The following KEL variants were observed in gnomAD, a reference collection of about 807,000 sequenced individuals.
The protein encoded by KEL is Kell metallo-endopeptidase (Kell blood group).
In KEL, 96 loss-of-function variants were observed where a neutral mutation model predicts 99.5. That is an observed-to-expected ratio of 0.97 (90% CI 0.82 to 1.14). The LOEUF is 1.14. Ranked by LOEUF, KEL falls within the 50% of genes most tolerant of loss-of-function variation. The pLI is 0.00. For missense variants in KEL, 926 were observed against 924.2 expected (o/e 1.00, Z -0.03); for synonymous variants, 355 against 354.8 (o/e 1.00, Z -0.01).
rs1335348963 is a variant in KEL at position 142,956,176 on chromosome 7, C to T, written c.673-1649G>A. Among the ~76,000 whole-genome samples, 3 of 152,142 alleles carry T rather than the reference C, an allele frequency of 2.0e-5. No homozygotes were observed. In the East Asian group the frequency reaches 5.8e-4, roughly 29 times the overall value. ...CAAAACAATGGGATCACTGTGTAAT[C>T]CCCCACTTTCTTTCTTTATATCCAA... On this transcript the variant is annotated intron_variant, in intron 6 of 18. Transcript: ENST00000355265.
chr7:142,953,440 C>T lies in KEL; in HGVS notation c.1073+368G>A, dbSNP rs1204203191. 24 of 959,510 alleles carry T rather than the reference C, an allele frequency of 2.5e-5. No homozygotes were observed. The South Asian group carries it at 8.6e-4, about 34-fold the overall frequency. 59.4% of individuals were successfully genotyped at this position (959,510 alleles called of 1,614,324 possible). On this transcript the variant is annotated intron_variant, in intron 9 of 18. Transcript: ENST00000355265. ...TCCTCCTGCCCACAGTCCTCAGCTG[C>T]TAAAAAGACATACATACACTTAACT...
rs144972578 is a variant in KEL, at chr7:142,954,383, G to A, written c.736-11C>T. On this transcript the variant is annotated splice_polypyrimidine_tract_variant and intron_variant, in intron 7 of 18. Transcript: ENST00000355265. ...GTATTCCCGAAAGATCTGGAGGAAG[G>A]AAATGTCAGTCACAGGTGCCAGAGG... is the stretch of plus-strand genomic sequence containing the variant. 3.1e-6 allele frequency: 5 copies of A among 1,613,990 alleles called. No individual in the cohort carries two copies. The highest frequency in any genetic ancestry group is 1.3e-5 in the African/African-American group (1 of 74,916).
intron 9 of KEL, chr7:142,953,494 T>C: frequency 1.5e-6 from 1 of 674,364 alleles, no homozygotes; most frequent in Non-Finnish European, 1.8e-6. Context: ...TTCCAGCATC[T>C]TCTACAGCTC....
intron 6 of KEL, among the ~76,000 whole-genome samples, chr7:142,955,637 C>A (rs1026179428): frequency 6.6e-6 from 1 of 152,104 alleles, no homozygotes. Context: ...CCCTGATGAA[C>A]CCTTGTTTCT....
In KEL at chr7:142,944,750, G is replaced by A. The variant is rs1311453967; in HGVS notation, c.1315-9C>T. 7 of 1,606,740 alleles carry A rather than the reference G, an allele frequency of 4.4e-6. No individual in the cohort carries two copies. The highest frequency in any genetic ancestry group is 6.0e-6 in the Non-Finnish European group (7 of 1,173,376). On this transcript the variant is annotated splice_polypyrimidine_tract_variant and intron_variant, in intron 11 of 18. Coordinates refer to ENST00000355265, the MANE Select transcript of KEL (RefSeq NM_000420.3). ...GTGAATAATTTCATGGCCTGTGGGA[G>A]TGAGGTCCAGGGACAGGGGGACAGG...
chr7:142,958,329 C>A lies in KEL; in HGVS notation c.500G>T (p.Gly167Val), dbSNP rs1213285280. 6.2e-7 allele frequency: 1 copy of A among 1,614,092 alleles called. No individual in the cohort carries two copies. Among genetic ancestry groups the A allele is most frequent in the African/African-American group, 1.3e-5 (1 of 75,020 alleles). ...CTCCTCAATAACTTGTCTGAGGGGA[C>A]CAGTCCCTGCAGCTTCAATGGCAAG... ...DTLAIEAAGT[G>V]PLRQVIEELG... Residue 167 changes from glycine to valine, a missense_variant, in exon 5 of 19, where the codon GGT (glycine) becomes GTT (valine). Transcript: ENST00000355265.
chr7:142,954,560 A>G (rs777371166), intron 6 of KEL, 33 bp from the exon 7 acceptor site: 119 of 1,605,924 alleles, frequency 7.4e-5, no homozygotes, highest in Non-Finnish European at 9.8e-5. Context: ...AGAAGCAGGG[A>G]GCATGGCGGA....
intron 9 of KEL, chr7:142,953,200 G>A (rs917687197): frequency 4.2e-6 from 1 of 238,432 alleles, no homozygotes; most frequent in Non-Finnish European, 6.8e-6. Flanking sequence ...AGGTATCAGG[G>A]GAGGCAGAGA....
Position 142,962,287 on chromosome 7 carries a change from C to T in KEL, c.-81G>A, listed in dbSNP as rs530527828. Reference sequence around the variant, plus strand: ...CGGAGGACTGGGGTCCAGGAAACACCCCCCGCCCCAGTTCCTTGATCCTGG... The same window carrying T: ...CGGAGGACTGGGGTCCAGGAAACACTCCCCGCCCCAGTTCCTTGATCCTGG... On this transcript the variant is annotated 5_prime_UTR_variant, in exon 1 of 19. Transcript: ENST00000355265. 4.6e-6 allele frequency: 7 copies of T among 1,514,982 alleles called. No individual in the cohort carries two copies. The East Asian group carries it at 1.1e-4, about 24-fold the overall frequency. 93.8% of individuals were successfully genotyped at this position (1,514,982 alleles called of 1,614,324 possible).
rs150678405 is a variant in KEL at position 142,943,589 on chromosome 7, C to A, written c.1600G>T (p.Val534Leu). ...LQPHPQHRWK[V>L]SPWDVNAYYS... ...TAAGCATTGACGTCCCAAGGGGACA[C>A]CTTCCACCTGTGGGAAGAGGACATG... The change falls in exon 15 of 19, where the codon GTG becomes TTG. Residue 534 changes from valine to leucine, a missense_variant. Coordinates refer to ENST00000355265, the MANE Select transcript of KEL (RefSeq NM_000420.3). 1 of 1,612,450 alleles carries A rather than the reference C, an allele frequency of 6.2e-7. No homozygotes were observed. Among genetic ancestry groups the A allele is most frequent in the African/African-American group, 1.3e-5 (1 of 74,884 alleles).
chr7:142,952,738 A>C (rs1385581746), intron 9 of KEL, 100 bp from the exon 10 acceptor site: 1 of 1,344,908 alleles, frequency 7.4e-7, no homozygotes, highest in African/African-American at 1.4e-5. Flanking sequence ...TCGTGAAGGC[A>C]GCTCCTTCTC....
chr7:142,957,792 A>G (rs1796862380), intron 6 of KEL, 35 bp downstream of exon 6: 4 of 1,612,994 alleles, frequency 2.5e-6, no homozygotes, highest in Non-Finnish European at 3.4e-6. Context: ...GAGGCAGGCC[A>G]GGTCCAACTG....
intron 10 of KEL, among the ~76,000 whole-genome samples, chr7:142,948,899 G>GACACAC (rs72104159): frequency 0.027 from 3,815 of 142,246 alleles, 138 homozygotes; most frequent in African/African-American, 0.084. Context: ...AAGCTTCACA[G>GACACAC]ACACACACAC....
intron 18 of KEL, chr7:142,942,137 T>C (rs1294005928): frequency 4.2e-6 from 2 of 477,802 alleles, no homozygotes; most frequent in Admixed American, 3.4e-5. Context: ...CATCTGTATT[T>C]TGGGGGTATG....
chr7:142,943,599 G>T lies in KEL; in HGVS notation c.1593-3C>A. The T allele has an allele frequency of 6.2e-7, 1 of 1,607,472 alleles. No homozygotes were observed. The highest frequency in any genetic ancestry group is 8.5e-7 in the Non-Finnish European group (1 of 1,174,160). ...CGTCCCAAGGGGACACCTTCCACCT[G>T]TGGGAAGAGGACATGTGAACTCCAG... On this transcript the variant is annotated splice_polypyrimidine_tract_variant and splice_region_variant and intron_variant, in intron 14 of 18. Transcript: ENST00000355265.
chr7:142,952,511 T>G lies in KEL; in HGVS notation c.1201A>C (p.Met401Leu), dbSNP rs1193933737. ...KLRELTEQPP[M>L]PARPRWMKCV... Reference sequence around the variant, plus strand: ...AATACACCCGCTCCTCTCCTCACCATGGGTGGTTGCTCTGTCAGTTCCCGC... The same window carrying G: ...AATACACCCGCTCCTCTCCTCACCAGGGGTGGTTGCTCTGTCAGTTCCCGC... Residue 401 changes from methionine to leucine, a missense_variant and splice_region_variant, in exon 10 of 19, where the codon ATG (methionine) becomes CTG (leucine). Transcript: ENST00000355265. The G allele has an allele frequency of 2.5e-6, 4 of 1,613,870 alleles. No homozygotes were observed. Among genetic ancestry groups the G allele is most frequent in the Non-Finnish European group, 3.4e-6 (4 of 1,180,012 alleles).
intron 10 of KEL, among the ~76,000 whole-genome samples, chr7:142,947,010 T>A (rs74951729): frequency 7.8e-4 from 118 of 152,076 alleles, no homozygotes; most frequent in Middle Eastern, 3.4e-3. Flanking sequence ...TGGACAAACA[T>A]CCAAGAGGGC....
Position 142,958,062 on chromosome 7 carries a change from C to T in KEL, c.526-89G>A, listed in dbSNP as rs1032683922. 1.3e-5 allele frequency: 19 copies of T among 1,501,942 alleles called. No homozygotes were observed. In the African/African-American group the frequency reaches 2.5e-4, roughly 20 times the overall value. The allele number at this position is 1,501,942 out of a possible 1,614,324, so 93.0% of individuals were successfully genotyped here. On this transcript the variant is annotated intron_variant, in intron 5 of 18. Coordinates refer to ENST00000355265, the MANE Select transcript of KEL (RefSeq NM_000420.3). ...TCGGCTCTTACACAGCTGCTACTGC[C>T]TGACCTCTGCCCTGCGCCCTTCGAT...
chr7:142,958,055 C>T, intron 5 of KEL, 82 bp from the exon 6 acceptor site: 1 of 1,528,080 alleles, frequency 6.5e-7, no homozygotes, highest in East Asian at 2.4e-5. Context: ...TACACAGCTG[C>T]TACTGCCTGA....
Sources: allele counts gnomAD v4.1 joint callset (sites outside exome capture counted in the v4.1 genomes callset), GRCh38; gene constraint gnomAD v4.1.1; transcripts MANE v1.5; gene names NCBI Gene and HGNC (gene_info 2026-07-23, HGNC 2026-07-21).